Variants in DMD observed in about 807,000 individuals in gnomAD.
The protein encoded by DMD is mutant dystrophin.
Under a neutral mutation model 330.1 loss-of-function variants are expected in DMD, and 63 were observed. The observed-to-expected ratio is 0.19, with a 90% CI of 0.16 to 0.24. The LOEUF is 0.24. Ranked by LOEUF, DMD falls within the 10% of genes least tolerant of loss-of-function variation. The pLI, the probability that DMD is intolerant of heterozygous loss-of-function variation, is 1.00. For synonymous variants in DMD, 1,223 were observed against 959.8 expected (o/e 1.27, Z -5.07); for missense variants, 3,344 against 2,684.1 (o/e 1.25, Z -5.43).
rs763105078 is a variant in DMD, at chrX:31,589,838, C to A, written c.8217+37835G>T. Among the ~76,000 whole-genome samples the A allele has an allele frequency of 1.7e-3, 184 of 111,218 alleles. 1 individual carries two copies. The highest frequency in any genetic ancestry group is 5.7e-3 in the African/African-American group (175 of 30,693). ...TTAAGGTGATGGATACCCTAAAAGG[C>A]CTGACGTGACCATTACACAATCTAT... On this transcript the variant is annotated intron_variant, in intron 55 of 78. Transcript: ENST00000357033.
chrX:32,335,721 CAT>C (rs766668626), intron 41 of DMD, among the ~76,000 whole-genome samples: 3 of 17,058 alleles, frequency 1.8e-4, no homozygotes, highest in African/African-American at 5.6e-4. Context: ...GTATATATAA[CAT>C]GTATATACGT....
intron 62 of DMD, among the ~76,000 whole-genome samples, chrX:31,303,667 T>C (rs967194745): frequency 3.6e-5 from 4 of 111,606 alleles, no homozygotes; most frequent in Non-Finnish European, 7.5e-5. Context: ...CTTCAAACGT[T>C]TGTATTCATA....
At chrX:33,163,618 C>CTATGTA (rs754180697) in intron 1 of DMD, among the ~76,000 whole-genome samples, 2 of 24,854 alleles carry the variant, frequency 8.0e-5, no homozygotes, top group African/African-American at 1.5e-4. Context: ...CTATATCTAT[C>CTATGTA]TCTATCTATC....
intron 44 of DMD, among the ~76,000 whole-genome samples, chrX:32,052,687 G>A (rs892746555): frequency 1.8e-5 from 2 of 111,336 alleles, no homozygotes; most frequent in Non-Finnish European, 3.8e-5. Context: ...TCAGGTAATC[G>A]AGAAACCTGC....
At chrX:32,124,036 G>A (rs1472021854) in intron 44 of DMD, among the ~76,000 whole-genome samples, 4 of 111,782 alleles carry the variant, frequency 3.6e-5, no homozygotes, top group Non-Finnish European at 7.5e-5. Flanking sequence ...ACCATATATG[G>A]AATCTATTCA....
intron 41 of DMD, among the ~76,000 whole-genome samples, chrX:32,340,682 A>C (rs192962182): frequency 8.9e-6 from 1 of 112,156 alleles, no homozygotes; most frequent in Admixed American, 9.5e-5. Context: ...ATGATCTATT[A>C]AATTGAGGTG....
intron 1 of DMD, among the ~76,000 whole-genome samples, chrX:33,316,449 C>T (rs1308339684): frequency 2.7e-5 from 3 of 110,589 alleles, no homozygotes; most frequent in Non-Finnish European, 3.8e-5. Flanking sequence ...AATCTATAAG[C>T]GTTAGGTTTT....
chrX:33,314,291 T>C (rs755492490), intron 1 of DMD, among the ~76,000 whole-genome samples: 19 of 110,352 alleles, frequency 1.7e-4, no homozygotes, highest in Non-Finnish European at 2.8e-4. Flanking sequence ...TCTCAGTCAC[T>C]CTGTCGCCCA....
intron 76 of DMD, among the ~76,000 whole-genome samples, chrX:31,143,634 T>C (rs1232408173): frequency 5.3e-5 from 6 of 112,188 alleles, no homozygotes; most frequent in Non-Finnish European, 9.4e-5. Flanking sequence ...TATAGCACTT[T>C]TGTCCTGGTA....
chrX:31,911,501 C>CT (rs34439142), intron 47 of DMD, among the ~76,000 whole-genome samples: 5,199 of 101,767 alleles, frequency 0.051, 123 homozygotes, highest in Middle Eastern at 0.087. Context: ...GCATTTCTCA[C>CT]TTTTTTTTTT....
At chrX:32,927,828 C>T (rs1237840370) in intron 2 of DMD, among the ~76,000 whole-genome samples, 2 of 110,647 alleles carry the variant, frequency 1.8e-5, no homozygotes. Context: ...ATGGTGCACA[C>T]ACGGATTATT....
At chrX:31,721,685 A>C (rs200530956) in intron 52 of DMD, among the ~76,000 whole-genome samples, 4 of 39,585 alleles carry the variant, frequency 1.0e-4, no homozygotes, top group African/African-American at 3.8e-4. Context: ...TCTCTCTCTC[A>C]CTCTCTCTCT....
intron 7 of DMD, among the ~76,000 whole-genome samples, chrX:32,751,344 C>CT (rs2070782436): frequency 9.0e-6 from 1 of 111,110 alleles, no homozygotes; most frequent in African/African-American, 3.3e-5. Context: ...AGATGAGCAA[C>CT]TTGTTGGGAG....
At position 32,438,231 on chromosome X, in the gene DMD, ATCTTCATACC is replaced by A; in HGVS notation, c.4071_4071+9del. 8.3e-7 allele frequency: 1 copy of A among 1,209,667 alleles called. No homozygotes were observed. The highest frequency in any genetic ancestry group is 3.0e-5 in the East Asian group (1 of 33,741). ...ATTAGATTAAAGAGATTTTTCACTT[ATCTTCATACC>A]TCTTCATGTAGTTCCCTCCAACGAG... On this transcript the variant is annotated splice_donor_variant and splice_donor_5th_base_variant and coding_sequence_variant and intron_variant, in exon 29 of 79. Coordinates refer to ENST00000357033, the MANE Select transcript of DMD (RefSeq NM_004006.3). LOFTEE classifies it high-confidence loss of function.
At chrX:32,007,080 AG>A (rs1276995737) in intron 44 of DMD, among the ~76,000 whole-genome samples, 8 of 27,676 alleles carry the variant, frequency 2.9e-4, no homozygotes, top group East Asian at 1.3e-3. Context: ...GGGTGGGGGG[AG>A]GGGGGGAGGG....
intron 41 of DMD, among the ~76,000 whole-genome samples, chrX:32,325,119 T>A (rs980297040): frequency 9.0e-6 from 1 of 111,240 alleles, no homozygotes; most frequent in African/African-American, 3.3e-5. Context: ...CTATATATAC[T>A]ATTCATTGGT....
intron 1 of DMD, among the ~76,000 whole-genome samples, chrX:33,286,246 T>A (rs1457855319): frequency 3.6e-5 from 4 of 112,026 alleles, no homozygotes; most frequent in Non-Finnish European, 5.6e-5. Flanking sequence ...GAATTTTACA[T>A]AAATGTAAAA....
chrX:32,169,685 A>G (rs746486184), intron 44 of DMD, among the ~76,000 whole-genome samples: 1 of 111,721 alleles, frequency 9.0e-6, no homozygotes, highest in African/African-American at 3.3e-5. Flanking sequence ...TTCTGTGTCC[A>G]TCTGTCCACA....
intron 30 of DMD, among the ~76,000 whole-genome samples, chrX:32,406,227 G>A (rs1350638125): frequency 9.0e-6 from 1 of 111,105 alleles, no homozygotes; most frequent in East Asian, 2.8e-4. Context: ...CTCTTTTCCT[G>A]ATTGAATACC....
Sources: gnomAD v4.1 joint callset for allele counts (sites outside exome capture counted in the v4.1 genomes callset) on GRCh38, gnomAD v4.1.1 for gene constraint, MANE v1.5 for transcripts, NCBI Gene and HGNC (gene_info 2026-07-23, HGNC 2026-07-21) for gene names.